SORBS3: variants seen among roughly 807,000 people sequenced by gnomAD.
The protein encoded by SORBS3 is vinexin.
A neutral mutation model predicts 98.0 loss-of-function variants in SORBS3; 69 were observed. The ratio of observed to expected loss-of-function variants is 0.70; its 90% CI spans 0.58 to 0.86. The LOEUF is 0.86. Among genes scored for constraint, SORBS3 ranks in the 40% least tolerant of loss-of-function variants. The pLI is 0.00. For missense variants in SORBS3, 954 were observed against 908.5 expected, an observed-to-expected ratio of 1.05 and a Z score of -0.64; for synonymous variants, 394 against 355.4, an observed-to-expected ratio of 1.11 and a Z score of -1.22.
chr8:22,566,910 T>G (rs1840440436), intron 15 of SORBS3, 42 bp downstream of exon 15: 1 of 1,595,044 alleles, frequency 6.3e-7, no homozygotes, highest in African/African-American at 1.3e-5. Context: ...CAAGGCAATC[T>G]CTGCCATCCC....
intron 1 of SORBS3, among the ~76,000 whole-genome samples, chr8:22,552,538 G>A (rs1188344940): frequency 6.6e-6 from 1 of 152,224 alleles, no homozygotes; most frequent in African/African-American, 2.4e-5. Context: ...GACACAAGGG[G>A]CAGGGTTGAG....
In SORBS3 at chr8:22,554,353, C is replaced by T; in HGVS notation, c.-55-99C>T. The stretch of plus-strand genomic sequence containing the variant: ...AGTACCCAGCTGGTCCTGACCCCCT[C>T]CCACAGCCGGCCCCTCCTCCCCTAT... On this transcript the variant is annotated intron_variant, in intron 1 of 20. Transcript: ENST00000240123. This position sits in a 1 kb window ranked among gnomAD's most constrained non-coding sequence, Gnocchi z 6.5. The T allele has an allele frequency of 7.8e-7, 1 of 1,288,966 alleles. No homozygotes were observed. The highest frequency in any genetic ancestry group is 1.0e-6 in the Non-Finnish European group (1 of 968,028). 79.8% of individuals were successfully genotyped at this position (1,288,966 alleles called of 1,614,324 possible).
rs1840502553 is a variant in SORBS3 at position 22,569,166 on chromosome 8, A to G, written c.1324A>G (p.Ile442Val). The G allele has an allele frequency of 1.9e-6, 3 of 1,606,864 alleles. No homozygotes were observed. The highest frequency in any genetic ancestry group is 1.3e-5 in the African/African-American group (1 of 74,426). The change falls in exon 17 of 21, where the codon ATC (isoleucine) becomes GTC (valine). Residue 442 changes from isoleucine to valine, a missense_variant. Transcript: ENST00000240123. The part of the protein sequence containing the change: ...NYVEVLPADE[I>V]PKPIKPPTYQ... ...CATGCAGGTGCTGCCCGCAGATGAG[A>G]TCCCTAAGCCCATCAAGCCCCCGAC...
At position 22,572,417 on chromosome 8, in the gene SORBS3, T is replaced by C; in HGVS notation, c.1925T>C (p.Met642Thr). 1 of 1,613,834 alleles carries C rather than the reference T, an allele frequency of 6.2e-7. No individual in the cohort carries two copies. The highest frequency in any genetic ancestry group is 2.2e-5 in the East Asian group (1 of 44,884). The change falls in exon 20 of 21, where the codon ATG (methionine) becomes ACG (threonine). Residue 642 changes from methionine (M) to threonine (T), a missense_variant. By Grantham distance (81) the Met-to-Thr change is moderately conservative. Transcript: ENST00000240123. The stretch of plus-strand genomic sequence containing the variant: ...CGCGAGGGGGACAGGGTGGATGTCA[T>C]GCAGCAGTGTGACGATGGCTGGTTT... Reference protein sequence around the residue: ...ELREGDRVDVMQQCDDGWFVG... With the variant: ...ELREGDRVDVTQQCDDGWFVG...
At position 22,566,864 on chromosome 8, in the gene SORBS3, C is replaced by G. The variant is rs1304698925; in HGVS notation, c.1186C>G (p.Pro396Ala). Residue 396 changes from proline (P) to alanine (A), a missense_variant, in exon 15 of 21, where the codon CCC becomes GCC. Physicochemically the swap from Pro to Ala is conservative, Grantham distance 27. Transcript: ENST00000240123. ...CAAGTTTGACTTCCAGGCGCAGTCC[C>G]CCAAGTAAGCGCCCTCCTCCCCCTC... The part of the protein sequence containing the change: ...RLKFDFQAQS[P>A]KELTLQKGDI... 1.2e-6 allele frequency: 2 copies of G among 1,610,252 alleles called. No individual in the cohort carries two copies. Among genetic ancestry groups the G allele is most frequent in the African/African-American group, 1.3e-5 (1 of 74,764 alleles).
In SORBS3 at chr8:22,574,219, G is replaced by A. The variant is rs754283841; in HGVS notation, c.1955-448G>A. 2.0e-5 allele frequency among the ~76,000 whole-genome samples: 3 copies of A among 152,210 alleles called. 1 individual carries two copies. In the South Asian group the frequency reaches 6.2e-4, roughly 31 times the overall value. On this transcript the variant is annotated intron_variant, in intron 20 of 20. Coordinates refer to ENST00000240123, the MANE Select transcript of SORBS3 (RefSeq NM_005775.5). ...ACACGAGTTTCTGTGGGGCTGAGAG[G>A]CCTGGATCGGAGTCCCAAGCTTACT...
chr8:22,569,748 CT>C (rs1168818537), intron 17 of SORBS3, among the ~76,000 whole-genome samples: 1 of 151,408 alleles, frequency 6.6e-6, no homozygotes, highest in Non-Finnish European at 1.5e-5. Flanking sequence ...CTTTTTTTTG[CT>C]TTTTTTTGAG....
chr8:22,574,664 C>T lies in SORBS3; in HGVS notation c.1955-3C>T. 1 of 1,612,808 alleles carries T rather than the reference C, an allele frequency of 6.2e-7. No homozygotes were observed. Among genetic ancestry groups the T allele is most frequent in the Non-Finnish European group, 8.5e-7 (1 of 1,179,350 alleles). ...AAAGCTCTTCCTGCCTTTCCTCTTT[C>T]AGGTGTCTCCCGGAGGACCCAGAAA... On this transcript the variant is annotated splice_polypyrimidine_tract_variant and splice_region_variant and intron_variant, in intron 20 of 20. Coordinates refer to ENST00000240123, the MANE Select transcript of SORBS3 (RefSeq NM_005775.5).
In SORBS3 at chr8:22,561,238, A is replaced by G; in HGVS notation, c.479-97A>G. 3 of 1,199,956 alleles carry G rather than the reference A, an allele frequency of 2.5e-6. No individual in the cohort carries two copies. The South Asian group carries it at 4.4e-5, about 18-fold the overall frequency. The allele number at this position is 1,199,956 out of a possible 1,614,324, so 74.3% of individuals were successfully genotyped here. ...GCCCTGACTCAGCCCTCAGCCCCCT[A>G]CTCTAGGGATGTTGGGAGCGGCTGA... is the stretch of plus-strand genomic sequence containing the variant. On this transcript the variant is annotated intron_variant, in intron 5 of 20. Transcript: ENST00000240123.
chr8:22,564,870 GGGGGTGGGGGCTCCGGTCCCT>G, intron 10 of SORBS3: 1 of 1,286,638 alleles, frequency 7.8e-7, no homozygotes, highest in Non-Finnish European at 9.9e-7. Flanking sequence ...GAAGCAGCGT[GGGGGTGGGGGCTCCGGTCCCT>G]GGGGTGGCGG....
Position 22,561,948 on chromosome 8 carries a change from G to C in SORBS3, c.584+17G>C. On this transcript the variant is annotated intron_variant, in intron 7 of 20. Transcript: ENST00000240123. ...TTCCAGTGGGTGAGCACAGTGGGGC[G>C]GGGCCGAGGGCTGCGGAGGGGCGCG... is the stretch of plus-strand genomic sequence containing the variant. The C allele has an allele frequency of 1.9e-6, 3 of 1,613,122 alleles. No individual in the cohort carries two copies. The highest frequency in any genetic ancestry group is 1.1e-5 in the South Asian group (1 of 91,056).
chr8:22,547,749 G>A (rs61740569), upstream of SORBS3, among the ~76,000 whole-genome samples: 217 of 152,282 alleles, frequency 1.4e-3, 3 homozygotes, highest in African/African-American at 5.0e-3. Context: ...TCTTTCCTGA[G>A]AACTAAGAGA....
rs1042482717 is a variant in SORBS3, at chr8:22,564,998, A to C, written c.817-270A>C. 27 of 1,377,600 alleles carry C rather than the reference A, an allele frequency of 2.0e-5. No individual in the cohort carries two copies. In the African/African-American group the frequency reaches 2.7e-4, roughly 14 times the overall value. 85.3% of individuals were successfully genotyped at this position (1,377,600 alleles called of 1,614,324 possible). On this transcript the variant is annotated intron_variant, in intron 10 of 20. Transcript: ENST00000240123. ...CCATTGGTGCTGTAACAGAGACACA[A>C]CTTGGCAGAAACTGGCAGGACTGCG... is the stretch of plus-strand genomic sequence containing the variant.
rs112605756 is a variant in SORBS3 at position 22,570,903 on chromosome 8, C to A, written c.1432-7C>A. 2.5e-5 allele frequency: 40 copies of A among 1,583,400 alleles called. 1 individual carries two copies. The highest frequency in any genetic ancestry group is 2.2e-4 in the East Asian group (10 of 44,458). On this transcript the variant is annotated splice_region_variant and splice_polypyrimidine_tract_variant and intron_variant, in intron 17 of 20. Transcript: ENST00000240123. ...GGCCCCACAGACACTGACTTTTCCC[C>A]CCTCAGGGAGAGCACATCTGCCTGA... is the stretch of plus-strand genomic sequence containing the variant.
At chr8:22,555,010 G>C in intron 3 of SORBS3, 30 bp downstream of exon 3, 1 of 1,582,976 alleles carries the variant, frequency 6.3e-7, no homozygotes, top group Middle Eastern at 1.7e-4. Context: ...TCATGCTGGA[G>C]ATGGAGGGTC....
rs1360518500 is a variant in SORBS3, at chr8:22,567,162, C to G, written c.1292C>G (p.Ala431Gly). Reference protein sequence around the residue: ...EHHGRLGIFPANYVEVLPADE... With the variant: ...EHHGRLGIFPGNYVEVLPADE... Reference sequence around the variant, plus strand: ...CACGGCCGCCTGGGCATCTTCCCTGCTAATTATGTGGAGGTGAGCAGGAGA... The same window carrying G: ...CACGGCCGCCTGGGCATCTTCCCTGGTAATTATGTGGAGGTGAGCAGGAGA... Residue 431 changes from alanine (A) to glycine (G), a missense_variant, in exon 16 of 21, where the codon GCT (alanine) becomes GGT (glycine). Ala to Gly is a moderately conservative substitution (Grantham distance 60, BLOSUM62 0). Transcript: ENST00000240123. The G allele has an allele frequency of 1.9e-6, 3 of 1,602,222 alleles. No homozygotes were observed. The African/African-American group carries it at 4.0e-5, about 21-fold the overall frequency.
chr8:22,556,843 C>A lies in SORBS3; in HGVS notation c.349C>A (p.Arg117Ser). Residue 117 changes from arginine to serine, a missense_variant, in exon 4 of 21, where the codon CGC becomes AGC. Coordinates refer to ENST00000240123, the MANE Select transcript of SORBS3 (RefSeq NM_005775.5). ...WTKDSKRRDKRWVKYEGIGPV... is the reference protein window; with the variant it reads ...WTKDSKRRDKSWVKYEGIGPV... ...CAAGGACAGCAAGCGTCGGGACAAG[C>A]GCTGGGTCAAGTACGAGGGAATCGG... 1 of 1,613,588 alleles carries A rather than the reference C, an allele frequency of 6.2e-7. No homozygotes were observed. The highest frequency in any genetic ancestry group is 8.5e-7 in the Non-Finnish European group (1 of 1,180,040).
chr8:22,572,364 GC>G lies in SORBS3; in HGVS notation c.1876del (p.Gln626ArgfsTer104). The G allele has an allele frequency of 6.2e-7, 1 of 1,614,066 alleles. No individual in the cohort carries two copies. Among genetic ancestry groups the G allele is most frequent in the Non-Finnish European group, 8.5e-7 (1 of 1,179,978 alleles). ...TPYRAMYQYR[P>X]QNEDELELRE... is the part of the protein sequence containing the mutation. ...GGTACCGGGCGATGTACCAGTACAG[GC>G]CCCAGAACGAAGACGAGCTGGAGCT... On this transcript the variant is annotated frameshift_variant, in exon 20 of 21. Transcript: ENST00000240123. LOFTEE classifies it high-confidence loss of function.
At chr8:22,549,548 T>C (rs377751502), upstream of SORBS3, among the ~76,000 whole-genome samples, 1 of 152,210 alleles carries the variant, frequency 6.6e-6, no homozygotes, top group African/African-American at 2.4e-5. Context: ...AATTTCCTTA[T>C]GTTTTCCCTG....
Sources: gnomAD v4.1 joint callset for allele counts (sites outside exome capture counted in the v4.1 genomes callset) on GRCh38, gnomAD v4.1.1 for gene constraint, Gnocchi (gnomAD v3.1) non-coding constraint, MANE v1.5 for transcripts, NCBI Gene and HGNC (gene_info 2026-07-23, HGNC 2026-07-21) for gene names.